PTPRD: variants seen among roughly 807,000 people sequenced by gnomAD.
PTPRD encodes protein tyrosine phosphatase receptor type D, also known as receptor-type tyrosine-protein phosphatase delta.
PTPRD carries 34 observed loss-of-function variants against 214.5 expected under a neutral mutation model. The observed-to-expected ratio is 0.16, with a 90% CI of 0.12 to 0.21. The LOEUF is 0.21. Ranked by LOEUF, PTPRD falls within the 10% of genes least tolerant of loss-of-function variation. PTPRD has a pLI of 1.00. For missense variants in PTPRD, 2,545 were observed against 2,398.7 expected, an observed-to-expected ratio of 1.06 and a Z score of -1.27; for synonymous variants, 1,128 against 845.7, an observed-to-expected ratio of 1.33 and a Z score of -5.79.
At chr9:9,618,621 G>GA (rs2095049254) in intron 7 of PTPRD, among the ~76,000 whole-genome samples, 2 of 151,916 alleles carry the variant, frequency 1.3e-5, no homozygotes, top group South Asian at 2.1e-4. Context: ...GAAACAGAAG[G>GA]AAAAAAAGTG....
At chr9:10,043,469 A>G (rs188931036) in intron 3 of PTPRD, among the ~76,000 whole-genome samples, 15 of 151,992 alleles carry the variant, frequency 9.9e-5, no homozygotes, top group African/African-American at 3.1e-4. Flanking sequence ...GTAAAATCCT[A>G]TAGCTTAGAG....
intron 5 of PTPRD, among the ~76,000 whole-genome samples, chr9:9,923,121 GGGGT>G (rs1215902123): frequency 6.6e-4 from 30 of 45,342 alleles, no homozygotes; most frequent in Non-Finnish European, 7.6e-4. Context: ...GTGTGTGTGG[GGGGT>G]GTGTGTGTGT....
At chr9:10,577,136 T>C (rs1325733852) in intron 2 of PTPRD, among the ~76,000 whole-genome samples, 1 of 152,144 alleles carries the variant, frequency 6.6e-6, no homozygotes, top group Non-Finnish European at 1.5e-5. Flanking sequence ...GGGGTACTTT[T>C]ATGGAAAGAA....
rs113965489 is a variant in PTPRD at position 8,707,412 on chromosome 9, T to C, written c.64+26368A>G. 5.3e-3 allele frequency among the ~76,000 whole-genome samples: 800 copies of C among 152,372 alleles called. 9 individuals carry two copies. Among genetic ancestry groups the C allele is most frequent in the African/African-American group, 0.018 (758 of 41,584 alleles). ...TTTTGGTCAGCCAGCTTCTGTGATT[T>C]GAGTTACTTCAGAGTAACCATGTAA... On this transcript the variant is annotated intron_variant, in intron 12 of 45. Coordinates refer to ENST00000381196, the MANE Select transcript of PTPRD (RefSeq NM_002839.4).
intron 9 of PTPRD, among the ~76,000 whole-genome samples, chr9:9,280,996 A>C (rs1170398420): frequency 1.3e-5 from 2 of 151,470 alleles, no homozygotes; most frequent in Non-Finnish European, 3.0e-5. Flanking sequence ...TTTTTGACAA[A>C]AAATCAAAGG....
chr9:9,349,780 A>C (rs541372537), intron 9 of PTPRD, among the ~76,000 whole-genome samples: 1 of 151,922 alleles, frequency 6.6e-6, no homozygotes, highest in Admixed American at 6.6e-5. Flanking sequence ...GCTATAAATA[A>C]TTGTAAATAT....
intron 9 of PTPRD, among the ~76,000 whole-genome samples, chr9:9,209,413 T>C (rs183302000): frequency 2.0e-5 from 3 of 152,308 alleles, no homozygotes; most frequent in Non-Finnish European, 4.4e-5. Context: ...TGGATTCAGA[T>C]ACAAGTAATG....
At chr9:8,433,052 T>C (rs867473750) in intron 35 of PTPRD, among the ~76,000 whole-genome samples, 1 of 152,224 alleles carries the variant, frequency 6.6e-6, no homozygotes. Context: ...TTGCATTCAA[T>C]AGATGCAACT....
At chr9:9,090,154 T>A (rs1173313811) in intron 10 of PTPRD, among the ~76,000 whole-genome samples, 1 of 152,202 alleles carries the variant, frequency 6.6e-6, no homozygotes, top group Non-Finnish European at 1.5e-5. Flanking sequence ...TATTGAACAC[T>A]GGAATTCCTA....
chr9:8,905,160 T>C (rs899868164), intron 11 of PTPRD, among the ~76,000 whole-genome samples: 2 of 152,202 alleles, frequency 1.3e-5, no homozygotes, highest in Non-Finnish European at 2.9e-5. Context: ...CTAAAGGATT[T>C]ATGTAACATG....
chr9:10,177,449 TAAA>T (rs35075915), intron 3 of PTPRD, among the ~76,000 whole-genome samples: 22 of 136,798 alleles, frequency 1.6e-4, no homozygotes, highest in Non-Finnish European at 1.9e-4. Flanking sequence ...TAAAATGTTG[TAAA>T]AAAAAAAAAA....
At chr9:10,568,911 A>C (rs2066532089) in intron 2 of PTPRD, among the ~76,000 whole-genome samples, 1 of 152,140 alleles carries the variant, frequency 6.6e-6, no homozygotes, top group Non-Finnish European at 1.5e-5. Flanking sequence ...CAAAAGCCAA[A>C]ATTGACAAAT....
intron 2 of PTPRD, among the ~76,000 whole-genome samples, chr9:10,495,113 T>C (rs2041642790): frequency 6.6e-6 from 1 of 151,802 alleles, no homozygotes; most frequent in Non-Finnish European, 1.5e-5. Flanking sequence ...TACATATCCT[T>C]TAATAGGAAA....
chr9:8,400,032 C>G (rs1302553369), intron 36 of PTPRD, among the ~76,000 whole-genome samples: 2 of 151,908 alleles, frequency 1.3e-5, no homozygotes, highest in African/African-American at 4.8e-5. Flanking sequence ...AATGTCTTGT[C>G]TTTGTTGTTG....
chr9:9,890,532 T>C (rs1175085057), intron 5 of PTPRD, among the ~76,000 whole-genome samples: 1 of 152,078 alleles, frequency 6.6e-6, no homozygotes, highest in Non-Finnish European at 1.5e-5. Flanking sequence ...ACTATTAAAA[T>C]TGCTGTGTGG....
chr9:9,012,086 T>C lies in PTPRD; in HGVS notation c.-104+6611A>G, dbSNP rs551679239. Among the ~76,000 whole-genome samples, 15 of 152,262 alleles carry C rather than the reference T, an allele frequency of 9.9e-5. No individual in the cohort carries two copies. The South Asian group carries it at 1.2e-3, about 13-fold the overall frequency. ...AGGTACCATGTTGTGAGAGGGCCTA[T>C]GGAAAAAGCTATAGTCAAGGAACTT... is the stretch of plus-strand genomic sequence containing the variant. On this transcript the variant is annotated intron_variant, in intron 11 of 45. Coordinates refer to ENST00000381196, the MANE Select transcript of PTPRD (RefSeq NM_002839.4).
chr9:10,550,339 G>A (rs541869385), intron 2 of PTPRD, among the ~76,000 whole-genome samples: 3 of 152,096 alleles, frequency 2.0e-5, no homozygotes, highest in African/African-American at 4.8e-5. Flanking sequence ...GGTATTTTGC[G>A]TGATGCTGAG....
intron 7 of PTPRD, among the ~76,000 whole-genome samples, chr9:9,578,467 G>T (rs570900642): frequency 4.6e-5 from 7 of 151,812 alleles, no homozygotes; most frequent in African/African-American, 1.7e-4. Flanking sequence ...AATTTTGCAA[G>T]GAGTCCAAAA....
chr9:8,391,841 G>A (rs1441717122), intron 36 of PTPRD, among the ~76,000 whole-genome samples: 1 of 152,162 alleles, frequency 6.6e-6, no homozygotes, highest in Non-Finnish European at 1.5e-5. Flanking sequence ...ATGCACAGGA[G>A]AATCATTCCT....
Sources: gnomAD v4.1 joint callset for allele counts (sites outside exome capture counted in the v4.1 genomes callset) on GRCh38, gnomAD v4.1.1 for gene constraint, MANE v1.5 for transcripts, NCBI Gene and HGNC (gene_info 2026-07-23, HGNC 2026-07-21) for gene names.